FRY: variants seen among roughly 807,000 people sequenced by gnomAD.
FRY encodes the protein protein furry homolog.
In FRY, 128 loss-of-function variants were observed where a neutral mutation model predicts 348.4. That is an observed-to-expected ratio of 0.37 (90% CI 0.32 to 0.43). FRY has a LOEUF of 0.43. FRY is among the 20% of genes least tolerant of loss of function. The pLI is 1.00. For synonymous variants in FRY, 1,370 were observed against 1,374.7 expected, an observed-to-expected ratio of 1.00 and a Z score of 0.08; for missense variants, 2,736 against 3,695.2, an observed-to-expected ratio of 0.74 and a Z score of 6.73.
rs1476678559 is a variant in FRY at position 32,155,628 on chromosome 13, T to TA, written c.1621dup (p.Thr541AsnfsTer4). 2.5e-6 allele frequency: 4 copies of TA among 1,613,564 alleles called. No homozygotes were observed. The highest frequency in any genetic ancestry group is 3.4e-6 in the Non-Finnish European group (4 of 1,179,742). ...TAAGAGTAAAGAAAACATATTTGAG[T>TA]AAAACACTAACTGAAGAGGAAGCCA... is the stretch of plus-strand genomic sequence containing the variant. On this transcript the variant is annotated frameshift_variant, in exon 15 of 61. Transcript: ENST00000542859. LOFTEE classifies it high-confidence loss of function.
chr13:32,034,968 G>A (rs1034163440), intron 1 of FRY, among the ~76,000 whole-genome samples: 1 of 152,104 alleles, frequency 6.6e-6, no homozygotes, highest in African/African-American at 2.4e-5. Flanking sequence ...GCATGGCTTC[G>A]GACAGTTAAG....
intron 58 of FRY, among the ~76,000 whole-genome samples, chr13:32,284,841 T>C (rs1286400494): frequency 6.6e-6 from 1 of 152,226 alleles, no homozygotes; most frequent in African/African-American, 2.4e-5. Context: ...CAAAAGTTTC[T>C]TAGATTTTTA....
rs200909594 is a variant in FRY at position 32,173,505 on chromosome 13, C to A, written c.2290C>A (p.Leu764Ile). 1 of 1,613,736 alleles carries A rather than the reference C, an allele frequency of 6.2e-7. No individual in the cohort carries two copies. The highest frequency in any genetic ancestry group is 1.3e-5 in the African/African-American group (1 of 75,022). ...CACACGCAAACTGTCCGTTTTAATACTCAAGGAAATTCGAGCGTTGTTTAT... is the reference window on the plus strand; with the variant it reads ...CACACGCAAACTGTCCGTTTTAATAATCAAGGAAATTCGAGCGTTGTTTAT... ...VATRKLSVLI[L>I]KEIRALFIAL... Residue 764 changes from leucine to isoleucine, a missense_variant, in exon 19 of 61, where the codon CTC (leucine) becomes ATC (isoleucine). By Grantham distance (5) the Leu-to-Ile change is conservative. Around this residue, in one of 9 missense-constraint regions of FRY, gnomAD observed 449 missense variants for 576.9 expected, o/e 0.78. Coordinates refer to ENST00000542859, the MANE Select transcript of FRY (RefSeq NM_023037.3).
Position 32,210,988 on chromosome 13 carries a change from C to G in FRY, c.4545C>G (p.Pro1515=). ...NPIVQHCDNP[P]FYRFTASSKA... ...TCGTCCAGCATTGTGACAACCCGCC[C>G]TTCTACCGCTTCACGGCCAGTAGCA... Residue 1515 remains proline, a synonymous_variant, in exon 34 of 61, where the codon CCC becomes CCG. Coordinates refer to ENST00000542859, the MANE Select transcript of FRY (RefSeq NM_023037.3). 1 of 1,614,028 alleles carries G rather than the reference C, an allele frequency of 6.2e-7. No homozygotes were observed. The highest frequency in any genetic ancestry group is 1.1e-5 in the South Asian group (1 of 91,080).
chr13:32,138,457 A>G (rs530034346), intron 11 of FRY, among the ~76,000 whole-genome samples: 54 of 152,224 alleles, frequency 3.5e-4, no homozygotes, highest in Non-Finnish European at 6.2e-4. Context: ...TTTTTGAAAC[A>G]TAGCAGATCA....
At position 32,295,196 on chromosome 13, in the gene FRY, C is replaced by T; in HGVS notation, c.8784-6C>T. 6.2e-7 allele frequency: 1 copy of T among 1,613,690 alleles called. No individual in the cohort carries two copies. The highest frequency in any genetic ancestry group is 1.3e-5 in the African/African-American group (1 of 75,038). On this transcript the variant is annotated splice_region_variant and splice_polypyrimidine_tract_variant and intron_variant, in intron 60 of 60. Transcript: ENST00000542859. ...CTCTAATCTGTGCTGTTCTTTTTGA[C>T]TGCAGAAGTCTGTGGCCCAATGACA...
intron 11 of FRY, among the ~76,000 whole-genome samples, chr13:32,144,189 A>G (rs1049224695): frequency 5.3e-5 from 8 of 151,238 alleles, no homozygotes; most frequent in Non-Finnish European, 1.2e-4. Context: ...TTTACCTGTT[A>G]TATTAACAGG....
intron 54 of FRY, 133 bp downstream of exon 54, chr13:32,265,749 T>C: frequency 1.1e-6 from 1 of 885,268 alleles, no homozygotes; most frequent in Non-Finnish European, 1.8e-6. Flanking sequence ...ACATATATCA[T>C]GGCAGGCTCT....
Position 32,093,570 on chromosome 13 carries a change from G to A in FRY, c.271-8393G>A, listed in dbSNP as rs188446859. Among the ~76,000 whole-genome samples, 558 of 152,276 alleles carry A rather than the reference G, an allele frequency of 3.7e-3. 10 individuals carry two copies. The highest frequency in any genetic ancestry group is 0.013 in the African/African-American group (539 of 41,554). On this transcript the variant is annotated intron_variant, in intron 2 of 60. Transcript: ENST00000542859. ...AGATAGAAAGGCCTGGTTAGATTCA[G>A]GTTTGAGCTTGTTGTTTGTTTAGTC...
intron 3 of FRY, among the ~76,000 whole-genome samples, chr13:32,110,149 T>A (rs1877864856): frequency 6.6e-6 from 1 of 152,208 alleles, no homozygotes; most frequent in African/African-American, 2.4e-5. Context: ...GTTAAATACT[T>A]TGAAGCTTAC....
chr13:32,176,220 A>G (rs1426193342), intron 20 of FRY, among the ~76,000 whole-genome samples: 1 of 152,188 alleles, frequency 6.6e-6, no homozygotes, highest in African/African-American at 2.4e-5. Flanking sequence ...GCAACTTTCA[A>G]TTTCCTGAAC....
At chr13:32,261,257 T>C (rs898677118) in intron 51 of FRY, among the ~76,000 whole-genome samples, 3 of 152,200 alleles carry the variant, frequency 2.0e-5, no homozygotes, top group Admixed American at 6.5e-5. Context: ...GTGGTGGGAG[T>C]GGGTGACACC....
At chr13:32,163,250 ACTGT>A (rs1483608933) in intron 17 of FRY, among the ~76,000 whole-genome samples, 1 of 152,206 alleles carries the variant, frequency 6.6e-6, no homozygotes, top group African/African-American at 2.4e-5. Context: ...AGGCCTCATG[ACTGT>A]CTGGACAAAG....
At chr13:32,149,717 C>G in intron 13 of FRY, 31 bp from the exon 14 acceptor site, 1 of 1,297,608 alleles carries the variant, frequency 7.7e-7, no homozygotes, top group East Asian at 2.3e-5. Context: ...TATTTTAACA[C>G]TTTCATTTTG....
chr13:32,246,357 T>C (rs756526883), intron 47 of FRY, among the ~76,000 whole-genome samples: 3 of 152,232 alleles, frequency 2.0e-5, no homozygotes, highest in Non-Finnish European at 2.9e-5. Flanking sequence ...CACAGTCTGA[T>C]TGGAGGTTGT....
intron 58 of FRY, among the ~76,000 whole-genome samples, chr13:32,287,172 A>T (rs1484202669): frequency 1.3e-5 from 2 of 152,122 alleles, no homozygotes; most frequent in African/African-American, 2.4e-5. Flanking sequence ...CTCAAAAAAA[A>T]AAAAAAGAAA....
intron 51 of FRY, among the ~76,000 whole-genome samples, chr13:32,259,496 G>A (rs1887517744): frequency 6.6e-6 from 1 of 152,198 alleles, no homozygotes; most frequent in South Asian, 2.1e-4. Flanking sequence ...GCCTGGTATA[G>A]CCTTCTCCCA....
Position 32,041,513 on chromosome 13 carries a change from TA to T in FRY, c.70+9651del, listed in dbSNP as rs1429458656. Among the ~76,000 whole-genome samples, 319 of 152,150 alleles carry T rather than the reference TA, an allele frequency of 2.1e-3. 2 individuals are homozygous for T. The highest frequency in any genetic ancestry group is 0.018 in the Admixed American group (269 of 15,264). On this transcript the variant is annotated intron_variant, in intron 1 of 60. Transcript: ENST00000542859. ...TTCACCATGTTGGCCAGGCTGGTCT[TA>T]AACTTCTGACCTCAAGGGATTACAG...
At chr13:32,052,169 A>G (rs1873365807) in intron 1 of FRY, among the ~76,000 whole-genome samples, 1 of 152,218 alleles carries the variant, frequency 6.6e-6, no homozygotes, top group South Asian at 2.1e-4. Context: ...TCTCTTCTAT[A>G]GAGTGGACAT....
Sources: allele counts gnomAD v4.1 joint callset (sites outside exome capture counted in the v4.1 genomes callset), GRCh38; gene constraint gnomAD v4.1.1; regional missense constraint gnomAD v4.1.1; transcripts MANE v1.5; gene names NCBI Gene and HGNC (gene_info 2026-07-23, HGNC 2026-07-21).